The following PCDHGA3 variants were observed in gnomAD, a reference collection of about 807,000 sequenced individuals.
PCDHGA3 encodes protocadherin gamma-A3.
A neutral mutation model predicts 58.5 loss-of-function variants in PCDHGA3; 40 were observed. The observed-to-expected ratio is 0.68, with a 90% CI of 0.53 to 0.89. PCDHGA3 has a LOEUF of 0.89. Among genes scored for constraint, PCDHGA3 ranks in the 40% least tolerant of loss-of-function variants. PCDHGA3 has a pLI of 0.00. For missense variants in PCDHGA3, 1,223 were observed against 1,195.9 expected (o/e 1.02, Z -0.33); for synonymous variants, 530 against 525.7 (o/e 1.01, Z -0.11).
intron 1 of PCDHGA3, chr5:141,403,105 C>G (rs1226095779): frequency 6.2e-7 from 1 of 1,614,056 alleles, no homozygotes; most frequent in East Asian, 2.2e-5. Context: ...TCTCCAAGGA[C>G]CTGGCTCTGG....
chr5:141,366,886 T>A (rs1332420618), intron 1 of PCDHGA3: 16 of 1,296,860 alleles, frequency 1.2e-5, no homozygotes, highest in South Asian at 4.5e-5. Flanking sequence ...TAATTTTTTT[T>A]ATATAATTCA....
chr5:141,398,945 T>G, intron 1 of PCDHGA3: 3 of 1,613,974 alleles, frequency 1.9e-6, no homozygotes, highest in Non-Finnish European at 2.5e-6. Context: ...GACGAGGGCA[T>G]CAACTCAGAA....
chr5:141,430,399 T>G (rs2097282187), intron 1 of PCDHGA3, among the ~76,000 whole-genome samples: 1 of 150,106 alleles, frequency 6.7e-6, no homozygotes, highest in Admixed American at 6.6e-5. Flanking sequence ...AAAAAAAAGC[T>G]CACTAAAGTT....
At position 141,477,677 on chromosome 5, in the gene PCDHGA3, TC is replaced by T; in HGVS notation, c.2425-17128del. On this transcript the variant is annotated intron_variant, in intron 1 of 3. Transcript: ENST00000253812. This position sits in a 1 kb window ranked among gnomAD's most constrained non-coding sequence, Gnocchi z 4.9. ...AAATCGTGACAATGGCATAGTGTCA[TC>T]CTTAGTGCCCCTAGACTATGAGGAT... 1 of 1,614,174 alleles carries T rather than the reference TC, an allele frequency of 6.2e-7. No homozygotes were observed. The highest frequency in any genetic ancestry group is 8.5e-7 in the Non-Finnish European group (1 of 1,180,038).
chr5:141,430,639 A>T, intron 1 of PCDHGA3: 1 of 900,712 alleles, frequency 1.1e-6, no homozygotes. Flanking sequence ...CATCCCTGGG[A>T]GTATGTGGAA....
intron 1 of PCDHGA3, chr5:141,388,748 C>T: frequency 6.2e-7 from 1 of 1,613,928 alleles, no homozygotes; most frequent in Non-Finnish European, 8.5e-7. Flanking sequence ...GCCAGATCAC[C>T]CAATTTGACC....
intron 1 of PCDHGA3, chr5:141,478,400 C>A (rs1295855090): frequency 6.2e-7 from 1 of 1,613,550 alleles, no homozygotes; most frequent in East Asian, 2.2e-5. Context: ...TCAGGTGTAT[C>A]TCACCACGGA....
At position 141,485,035 on chromosome 5, in the gene PCDHGA3, AC is replaced by A; in HGVS notation, c.2425-9769del. ...CCGCCACCAGCAAAAACGGCGCGTA[AC>A]CCTTGCGGCGCCGGCCGAACCGCGC... On this transcript the variant is annotated intron_variant, in intron 1 of 3. Coordinates refer to ENST00000253812, the MANE Select transcript of PCDHGA3 (RefSeq NM_018916.4). The surrounding 1 kb of genome is among the most constrained non-coding windows in gnomAD (Gnocchi z 5.7). 1.4e-6 allele frequency: 1 copy of A among 694,388 alleles called. No homozygotes were observed. Among genetic ancestry groups the A allele is most frequent in the East Asian group, 2.6e-5 (1 of 38,852 alleles). The allele number at this position is 694,388 out of a possible 1,614,324, so 43.0% of individuals were successfully genotyped here.
chr5:141,426,590 C>T (rs2096945493), intron 1 of PCDHGA3: 1 of 369,282 alleles, frequency 2.7e-6, no homozygotes, highest in East Asian at 7.4e-5. Context: ...TCCTCTGTGT[C>T]ATACCCTTAG....
At chr5:141,423,712 T>C (rs1231796741) in intron 1 of PCDHGA3, 2 of 1,313,518 alleles carry the variant, frequency 1.5e-6, no homozygotes, top group Admixed American at 3.2e-5. Flanking sequence ...CACAAGTCTT[T>C]TAAGGAGATG....
At position 141,361,465 on chromosome 5, in the gene PCDHGA3, G is replaced by A. The variant is rs548966955; in HGVS notation, c.2424+15008G>A. ...CATAATTGTCACCCTGCACATCTCC[G>A]ACGTCAACGATAATGCCCCAGTTTT... On this transcript the variant is annotated intron_variant, in intron 1 of 3. Transcript: ENST00000253812. 2.4e-4 allele frequency: 384 copies of A among 1,613,986 alleles called. 5 individuals carry two copies. The East Asian group carries it at 8.3e-3, about 35-fold the overall frequency.
chr5:141,419,075 A>G, intron 1 of PCDHGA3: 1 of 1,613,968 alleles, frequency 6.2e-7, no homozygotes, highest in Non-Finnish European at 8.5e-7. Context: ...CAAGCTAGTA[A>G]CAGATGAGGC....
chr5:141,374,949 C>T (rs1770969144), intron 1 of PCDHGA3: 1 of 1,614,022 alleles, frequency 6.2e-7, no homozygotes, highest in African/African-American at 1.3e-5. Context: ...GAAAAGATCT[C>T]ACAAATTTTC....
chr5:141,423,755 G>GGGA, intron 1 of PCDHGA3: 3 of 512,508 alleles, frequency 5.9e-6, no homozygotes, highest in Non-Finnish European at 7.8e-6. Flanking sequence ...CTGTTTGGGG[G>GGGA]GGGGGTGGGG....
chr5:141,395,248 T>G lies in PCDHGA3; in HGVS notation c.2424+48791T>G, dbSNP rs1300416039. The G allele has an allele frequency of 4.5e-6, 7 of 1,561,360 alleles. No individual in the cohort carries two copies. In the Admixed American group the frequency reaches 1.4e-4, roughly 31 times the overall value. On this transcript the variant is annotated intron_variant, in intron 1 of 3. Transcript: ENST00000253812. ...GCTGATCATGGTCAGGTGAGTTTAG[T>G]TCTTTGCTTGCTTTTAATTTCCAGA...
At chr5:141,356,700 T>A in intron 1 of PCDHGA3, 1 of 1,614,002 alleles carries the variant, frequency 6.2e-7, no homozygotes, top group Non-Finnish European at 8.5e-7. Flanking sequence ...AGGGTGCACC[T>A]CTGTCCTCCT....
intron 1 of PCDHGA3, among the ~76,000 whole-genome samples, chr5:141,464,155 C>T (rs2099076990): frequency 1.3e-5 from 2 of 151,614 alleles, no homozygotes; most frequent in African/African-American, 4.8e-5. Flanking sequence ...GTCCCAGCTA[C>T]TTGGAAGGCT....
chr5:141,431,768 G>T lies in PCDHGA3; in HGVS notation c.2425-63039G>T. 6.2e-7 allele frequency: 1 copy of T among 1,614,218 alleles called. No individual in the cohort carries two copies. The highest frequency in any genetic ancestry group is 8.5e-7 in the Non-Finnish European group (1 of 1,180,036). On this transcript the variant is annotated intron_variant, in intron 1 of 3. Coordinates refer to ENST00000253812, the MANE Select transcript of PCDHGA3 (RefSeq NM_018916.4). The surrounding 1 kb of genome is among the most constrained non-coding windows in gnomAD (Gnocchi z 4.8). ...TGCGCGAGCCAAAGTCCTGATCACT[G>T]TTCTGGACGTGAACGACAATGCCCC...
rs2099697598 is a variant in PCDHGA3 at position 141,490,236 on chromosome 5, C to T, written c.2425-4571C>T. On this transcript the variant is annotated intron_variant, in intron 1 of 3. Coordinates refer to ENST00000253812, the MANE Select transcript of PCDHGA3 (RefSeq NM_018916.4). This position sits in a 1 kb window ranked among gnomAD's most constrained non-coding sequence, Gnocchi z 5.4. ...ACCAGGGACAGCCTGCCATGGAGGG[C>T]CACTGTGTGATTCAAGTGGATGTGG... is the stretch of plus-strand genomic sequence containing the variant. 1 of 1,614,078 alleles carries T rather than the reference C, an allele frequency of 6.2e-7. No homozygotes were observed. The highest frequency in any genetic ancestry group is 1.1e-5 in the South Asian group (1 of 91,088).
Sources: allele counts gnomAD v4.1 joint callset (sites outside exome capture counted in the v4.1 genomes callset), GRCh38; gene constraint gnomAD v4.1.1; non-coding constraint Gnocchi (gnomAD v3.1); transcripts MANE v1.5; gene names NCBI Gene and HGNC (gene_info 2026-07-23, HGNC 2026-07-21).